The following LRIG1 variants were observed in gnomAD, a reference collection of about 807,000 sequenced individuals.
LRIG1 encodes the protein leucine rich repeats and immunoglobulin like domains 1, also known as leucine-rich repeats and immunoglobulin-like domains protein 1.
Under a neutral mutation model 99.2 loss-of-function variants are expected in LRIG1, and 48 were observed. That is an observed-to-expected ratio of 0.48 (90% confidence interval 0.38 to 0.62). The LOEUF is 0.62. LRIG1 is among the 20% of genes least tolerant of loss of function. LRIG1 has a pLI of 0.00. For synonymous variants in LRIG1, 772 were observed against 596.1 expected (o/e 1.29, Z -4.30); for missense variants, 1,646 against 1,434.4 (o/e 1.15, Z -2.38).
chr3:66,437,238 G>C (rs909052106), intron 3 of LRIG1, among the ~76,000 whole-genome samples: 2 of 152,200 alleles, frequency 1.3e-5, no homozygotes, highest in Admixed American at 6.5e-5. Context: ...TCAAACAAGC[G>C]AGCAGAGACT....
intron 1 of LRIG1, among the ~76,000 whole-genome samples, chr3:66,494,284 G>C (rs1037491551): frequency 6.6e-6 from 1 of 152,208 alleles, no homozygotes; most frequent in African/African-American, 2.4e-5. Flanking sequence ...GGAGGTGCCA[G>C]GGATGGACCA....
intron 1 of LRIG1, among the ~76,000 whole-genome samples, chr3:66,485,938 C>T (rs1015339128): frequency 6.6e-6 from 1 of 152,186 alleles, no homozygotes; most frequent in Non-Finnish European, 1.5e-5. Flanking sequence ...AATTCAGAGA[C>T]GTCAAAGGGA....
chr3:66,495,172 A>G (rs1193001853), intron 1 of LRIG1, among the ~76,000 whole-genome samples: 1 of 152,232 alleles, frequency 6.6e-6, no homozygotes, highest in Non-Finnish European at 1.5e-5. Context: ...GCTCAGTGTC[A>G]TGCTTAAGTC....
chr3:66,483,821 G>A (rs760413902), intron 1 of LRIG1, among the ~76,000 whole-genome samples: 1 of 152,180 alleles, frequency 6.6e-6, no homozygotes, highest in East Asian at 1.9e-4. Context: ...CTCGCCAAAC[G>A]CAACACAGAG....
At chr3:66,406,229 G>A (rs1702264444) in intron 8 of LRIG1, 1 of 985,344 alleles carries the variant, frequency 1.0e-6, no homozygotes, top group African/African-American at 1.7e-5. Flanking sequence ...TTCTGCTGCT[G>A]GAAGGGACTT....
intron 13 of LRIG1, among the ~76,000 whole-genome samples, chr3:66,385,137 A>G (rs1213324409): frequency 6.6e-6 from 1 of 152,110 alleles, no homozygotes. Flanking sequence ...TCTTCAAGCT[A>G]TCTACTCCCC....
intron 3 of LRIG1, among the ~76,000 whole-genome samples, chr3:66,439,575 T>TAA (rs71105989): frequency 2.0e-5 from 3 of 150,922 alleles, no homozygotes; most frequent in Non-Finnish European, 2.9e-5. Context: ...TTTTTTTTTT[T>TAA]AAAAAGAGCC....
chr3:66,412,872 G>C lies in LRIG1; in HGVS notation c.790C>G (p.Leu264Val). 1 of 1,614,072 alleles carries C rather than the reference G, an allele frequency of 6.2e-7. No individual in the cohort carries two copies. The highest frequency in any genetic ancestry group is 8.5e-7 in the Non-Finnish European group (1 of 1,179,952). ...GCCAGTAACCTGGTCCGCACTTACA[G>C]CACATGCATCTTGGACAGTCCCCAG... ...AFWGLSKMHV[L>V]HLEYNSLVEV... Residue 264 changes from leucine (L) to valine (V), a missense_variant and splice_region_variant, in exon 6 of 19, where the codon CTG (leucine) becomes GTG (valine). Physicochemically the swap from Leu to Val is conservative, Grantham distance 32. Transcript: ENST00000273261.
At chr3:66,465,357 A>ATTTTTT (rs59148647) in intron 1 of LRIG1, among the ~76,000 whole-genome samples, 5 of 67,726 alleles carry the variant, frequency 7.4e-5, no homozygotes, top group Admixed American at 1.9e-4. Context: ...TCTGAGCATA[A>ATTTTTT]TTTTTTTTTT....
At chr3:66,448,215 A>G (rs1456033299) in intron 3 of LRIG1, among the ~76,000 whole-genome samples, 1 of 152,208 alleles carries the variant, frequency 6.6e-6, no homozygotes, top group Non-Finnish European at 1.5e-5. Context: ...GTCTCTTTTG[A>G]AGACCTGACA....
intron 17 of LRIG1, among the ~76,000 whole-genome samples, chr3:66,381,122 A>G (rs1249320689): frequency 6.6e-6 from 1 of 152,240 alleles, no homozygotes; most frequent in Non-Finnish European, 1.5e-5. Flanking sequence ...GGGAAAAGCC[A>G]TTAGCCTTAG....
intron 3 of LRIG1, among the ~76,000 whole-genome samples, chr3:66,420,634 C>T (rs1317953764): frequency 1.3e-5 from 2 of 152,184 alleles, no homozygotes; most frequent in Non-Finnish European, 2.9e-5. Flanking sequence ...CTAACACGTG[C>T]TACTGAATGG....
rs755490785 is a variant in LRIG1 at position 66,399,058 on chromosome 3, T to A, written c.1161-17A>T. 17 of 1,608,338 alleles carry A rather than the reference T, an allele frequency of 1.1e-5. No homozygotes were observed. In the South Asian group the frequency reaches 1.6e-4, roughly 16 times the overall value. ...AACAGAGTCCTGTAGTTTCCAAACA[T>A]CCAGAAATTAAGGCCAGGGAAGGAA... On this transcript the variant is annotated splice_polypyrimidine_tract_variant and intron_variant, in intron 9 of 18. Coordinates refer to ENST00000273261, the MANE Select transcript of LRIG1 (RefSeq NM_015541.3).
intron 15 of LRIG1, among the ~76,000 whole-genome samples, 183 bp from the exon 16 acceptor site, chr3:66,382,581 C>CCCAGCGTGAAGAGCGCAG (rs1371795414): frequency 7.2e-5 from 11 of 152,200 alleles, no homozygotes; most frequent in African/African-American, 2.7e-4. Flanking sequence ...TTACTCTACA[C>CCCAGCGTGAAGAGCGCAG]CCAGCGTGAA....
chr3:66,475,266 A>G (rs960778835), intron 1 of LRIG1, among the ~76,000 whole-genome samples: 16 of 152,216 alleles, frequency 1.1e-4, no homozygotes, highest in African/African-American at 3.6e-4. Flanking sequence ...ACTTCCCTCC[A>G]ATAAACATGC....
At chr3:66,433,655 G>A (rs1165005962) in intron 3 of LRIG1, among the ~76,000 whole-genome samples, 4 of 152,206 alleles carry the variant, frequency 2.6e-5, no homozygotes, top group Non-Finnish European at 5.9e-5. Flanking sequence ...CTCTTACCAC[G>A]CAATTTCTCA....
chr3:66,402,297 G>T (rs1270341281), intron 9 of LRIG1, among the ~76,000 whole-genome samples: 1 of 152,188 alleles, frequency 6.6e-6, no homozygotes, highest in East Asian at 1.9e-4. Flanking sequence ...CAACCATTTG[G>T]AAACAGGCCC....
chr3:66,402,648 G>A (rs534427877), intron 9 of LRIG1, among the ~76,000 whole-genome samples: 8 of 152,304 alleles, frequency 5.3e-5, no homozygotes, highest in African/African-American at 1.9e-4. Context: ...AGCTCCTTGA[G>A]CTCTCCAAAA....
chr3:66,401,631 G>A, intron 9 of LRIG1: 7 of 1,529,488 alleles, frequency 4.6e-6, no homozygotes, highest in Non-Finnish European at 6.1e-6. Flanking sequence ...GACATATGGG[G>A]CTGGGACGGG....
Sources: gnomAD v4.1 joint callset for allele counts (sites outside exome capture counted in the v4.1 genomes callset) on GRCh38, gnomAD v4.1.1 for gene constraint, MANE v1.5 for transcripts, NCBI Gene and HGNC (gene_info 2026-07-23, HGNC 2026-07-21) for gene names.